The following GOLM2 variants were observed in gnomAD, a reference collection of about 807,000 sequenced individuals.
GOLM2 encodes the protein protein GOLM2.
GOLM2 carries 26 observed loss-of-function variants against 55.9 expected under a neutral mutation model. That is an observed-to-expected ratio of 0.47 (90% CI 0.34 to 0.65). GOLM2 has a LOEUF of 0.65. GOLM2 is among the 30% of genes least tolerant of loss of function. GOLM2 has a pLI of 0.01. For missense variants in GOLM2, 486 were observed against 531.8 expected, an observed-to-expected ratio of 0.91 and a Z score of 0.85; for synonymous variants, 165 against 194.6, an observed-to-expected ratio of 0.85 and a Z score of 1.27.
At chr15:44,330,573 T>C (rs1378834993) in intron 3 of GOLM2, among the ~76,000 whole-genome samples, 2 of 151,464 alleles carry the variant, frequency 1.3e-5, no homozygotes, top group East Asian at 3.9e-4. Flanking sequence ...CAAAAAAGAT[T>C]TCCCAAAACT....
At chr15:44,364,165 C>T (rs2079265884) in intron 6 of GOLM2, among the ~76,000 whole-genome samples, 1 of 151,960 alleles carries the variant, frequency 6.6e-6, no homozygotes, top group African/African-American at 2.4e-5. Context: ...GCACATTGTG[C>T]ACATGTACCC....
At chr15:44,338,120 A>G in intron 5 of GOLM2, 117 bp from the exon 6 acceptor site, 7 of 1,045,082 alleles carry the variant, frequency 6.7e-6, no homozygotes, top group Non-Finnish European at 9.9e-6. Context: ...GCAAGAGGTA[A>G]AGATGTTCAG....
intron 4 of GOLM2, 54 bp from the exon 5 acceptor site, chr15:44,337,709 C>T (rs573072459): frequency 9.4e-5 from 120 of 1,273,186 alleles, no homozygotes; most frequent in South Asian, 5.7e-4. Context: ...ATAGTTGTGT[C>T]GGTGGTTTAA....
At chr15:44,301,104 T>C (rs764452931) in intron 1 of GOLM2, among the ~76,000 whole-genome samples, 1 of 152,166 alleles carries the variant, frequency 6.6e-6, no homozygotes, top group Non-Finnish European at 1.5e-5. Flanking sequence ...AAGTTCAACT[T>C]AGGGGAACAT....
At position 44,314,023 on chromosome 15, in the gene GOLM2, G is replaced by A. The variant is rs1013671265; in HGVS notation, c.328-8942G>A. On this transcript the variant is annotated intron_variant, in intron 1 of 9. Coordinates refer to ENST00000299957, the MANE Select transcript of GOLM2 (RefSeq NM_138423.4). Reference sequence around the variant, plus strand: ...GAGGTCGAGGTGGGCAGATCACAAGGTCAGGAGATTGAGACCATCTTGGCT... The same window carrying A: ...GAGGTCGAGGTGGGCAGATCACAAGATCAGGAGATTGAGACCATCTTGGCT... Among the ~76,000 whole-genome samples the A allele has an allele frequency of 2.0e-5, 3 of 152,136 alleles. No homozygotes were observed. In the East Asian group the frequency reaches 5.8e-4, roughly 29 times the overall value.
chr15:44,364,824 G>A (rs2141177063), intron 6 of GOLM2, among the ~76,000 whole-genome samples: 1 of 152,222 alleles, frequency 6.6e-6, no homozygotes, highest in Admixed American at 6.5e-5. Flanking sequence ...GTGTTATCAG[G>A]GAAATCTACT....
intron 6 of GOLM2, among the ~76,000 whole-genome samples, chr15:44,353,036 GA>G (rs893604922): frequency 1.4e-4 from 21 of 151,612 alleles, no homozygotes; most frequent in African/African-American, 5.1e-4. Context: ...AACCATATAA[GA>G]AAAAAAATCT....
chr15:44,394,544 T>G (rs1475364963), intron 8 of GOLM2, among the ~76,000 whole-genome samples: 1 of 152,216 alleles, frequency 6.6e-6, no homozygotes, highest in Non-Finnish European at 1.5e-5. Context: ...GTGCCTACTA[T>G]ATGCAGGGCC....
At chr15:44,347,386 T>C (rs185601920) in intron 6 of GOLM2, among the ~76,000 whole-genome samples, 79 of 152,272 alleles carry the variant, frequency 5.2e-4, no homozygotes, top group African/African-American at 1.8e-3. Flanking sequence ...CCTTGTGGCA[T>C]GGAGAGAGAA....
intron 8 of GOLM2, chr15:44,387,324 C>T (rs1301632382): frequency 6.6e-6 from 1 of 152,050 alleles, no homozygotes; most frequent in East Asian, 1.9e-4. Context: ...TAATTCCTTT[C>T]AGCAATGTTT....
At chr15:44,409,941 AG>A (rs2079626335) in intron 9 of GOLM2, 1 of 151,842 alleles carries the variant, frequency 6.6e-6, no homozygotes, top group African/African-American at 2.4e-5. Context: ...AATCCCAAAA[AG>A]TAAAGACACC....
intron 4 of GOLM2, among the ~76,000 whole-genome samples, chr15:44,336,771 C>A (rs2079059761): frequency 1.3e-5 from 2 of 151,784 alleles, no homozygotes; most frequent in Non-Finnish European, 2.9e-5. Flanking sequence ...AAAAAATTAG[C>A]CGGGTGTGGT....
intron 2 of GOLM2, among the ~76,000 whole-genome samples, chr15:44,326,308 A>G (rs912170013): frequency 1.1e-4 from 16 of 151,152 alleles, no homozygotes; most frequent in African/African-American, 2.9e-4. Context: ...TGGCTTGAAT[A>G]TGCAAAGATA....
chr15:44,353,030 A>G (rs1004283073), intron 6 of GOLM2, among the ~76,000 whole-genome samples: 3 of 152,192 alleles, frequency 2.0e-5, no homozygotes, highest in African/African-American at 7.2e-5. Context: ...TCAAACAACC[A>G]TATAAGAAAA....
chr15:44,386,730 G>C (rs60916105), intron 8 of GOLM2, among the ~76,000 whole-genome samples: 15,759 of 151,468 alleles, frequency 0.1, 1,887 homozygotes, highest in African/African-American at 0.29. Context: ...AATTAGCCAG[G>C]CATGGTGGCA....
chr15:44,402,812 C>A, intron 8 of GOLM2, 75 bp from the exon 9 acceptor site: 11 of 1,460,740 alleles, frequency 7.5e-6, no homozygotes, highest in Non-Finnish European at 1.0e-5. Context: ...TGTTTACTTT[C>A]TGGTCTGCCT....
intron 6 of GOLM2, among the ~76,000 whole-genome samples, chr15:44,375,348 T>C (rs944963660): frequency 3.3e-5 from 5 of 152,202 alleles, no homozygotes; most frequent in African/African-American, 1.2e-4. Context: ...ATCATTGTCA[T>C]GATATTGTTT....
At chr15:44,377,538 A>G (rs12915078) in intron 6 of GOLM2, among the ~76,000 whole-genome samples, 3 of 151,694 alleles carry the variant, frequency 2.0e-5, no homozygotes, top group Admixed American at 6.6e-5. Flanking sequence ...GCCAGGCTGA[A>G]TTTTTTGTAT....
At chr15:44,310,458 ATATATATATATG>A (rs1428715361) in intron 1 of GOLM2, among the ~76,000 whole-genome samples, 6 of 135,624 alleles carry the variant, frequency 4.4e-5, no homozygotes, top group African/African-American at 8.6e-5. Context: ...CTCTCTCTAT[ATATATATATATG>A]TATATATATA....
Sources: allele counts gnomAD v4.1 joint callset (sites outside exome capture counted in the v4.1 genomes callset), GRCh38; gene constraint gnomAD v4.1.1; transcripts MANE v1.5; gene names NCBI Gene and HGNC (gene_info 2026-07-23, HGNC 2026-07-21).